NFASC: variants seen among roughly 807,000 people sequenced by gnomAD.
NFASC encodes neurofascin.
Under a neutral mutation model 147.5 loss-of-function variants are expected in NFASC, and 43 were observed. The observed-to-expected ratio is 0.29, with a 90% CI of 0.23 to 0.38. The LOEUF is 0.38. Among genes scored for constraint, NFASC ranks in the 10% least tolerant of loss-of-function variants. The pLI is 1.00. For synonymous variants in NFASC, 622 were observed against 665.5 expected (o/e 0.93, Z 1.01); for missense variants, 1,320 against 1,689.0 (o/e 0.78, Z 3.83).
chr1:204,990,560 G>GT (rs2095704601), intron 23 of NFASC: 1 of 41,732 alleles, frequency 2.4e-5, no homozygotes, highest in East Asian at 8.3e-4. Context: ...AGGGCTCTCA[G>GT]TCCAAAAAAA....
rs1255092620 is a variant in NFASC at position 204,987,675 on chromosome 1, A to G, written c.2593+135A>G. 1 of 967,432 alleles carries G rather than the reference A, an allele frequency of 1.0e-6. No individual in the cohort carries two copies. Among genetic ancestry groups the G allele is most frequent in the Non-Finnish European group, 1.6e-6 (1 of 630,872 alleles). The allele number at this position is 967,432 out of a possible 1,614,324, so 59.9% of individuals were successfully genotyped here. ...GTGGAGGGATGGAGGGGCCAACGAA[A>G]CAGTTCCCAATAGGATTAGGGGAGG... On this transcript the variant is annotated intron_variant, in intron 22 of 29. Coordinates refer to ENST00000339876, the MANE Select transcript of NFASC (RefSeq NM_001005388.3). The surrounding 1 kb of genome is among the most constrained non-coding windows in gnomAD (Gnocchi z 4.4).
At chr1:204,906,350 C>T (rs946695898) in intron 1 of NFASC, among the ~76,000 whole-genome samples, 2 of 152,120 alleles carry the variant, frequency 1.3e-5, no homozygotes, top group African/African-American at 2.4e-5. Context: ...TTCTCTTGTA[C>T]CCTTTTTTGG....
chr1:204,840,667 A>G (rs1252041686), intron 1 of NFASC, among the ~76,000 whole-genome samples: 1 of 152,198 alleles, frequency 6.6e-6, no homozygotes, highest in Non-Finnish European at 1.5e-5. Flanking sequence ...CTGTAGATCC[A>G]CCATCACCCA....
chr1:204,870,742 A>C, intron 1 of NFASC: 1 of 1,155,436 alleles, frequency 8.7e-7, no homozygotes, highest in African/African-American at 1.6e-5. Context: ...GTGGCGTTCC[A>C]TTCACGGCAC....
intron 1 of NFASC, 128 bp downstream of exon 1, chr1:204,828,910 C>A (rs1269191513): frequency 4.0e-6 from 2 of 497,664 alleles, no homozygotes; most frequent in Non-Finnish European, 2.6e-6. Flanking sequence ...CGTCCACATT[C>A]CCATCCCTTC....
intron 25 of NFASC, chr1:204,998,392 T>G (rs1292478944): frequency 6.6e-6 from 1 of 152,286 alleles, no homozygotes; most frequent in Non-Finnish European, 1.5e-5. Context: ...CTTTGTCTCC[T>G]GGGCAAGTCC....
chr1:204,973,185 G>A lies in NFASC; in HGVS notation c.1136-91G>A, dbSNP rs541937459. 3.1e-4 allele frequency: 443 copies of A among 1,430,424 alleles called. 1 individual carries two copies. The highest frequency in any genetic ancestry group is 3.6e-4 in the Non-Finnish European group (369 of 1,033,974). The allele number at this position is 1,430,424 out of a possible 1,614,324, so 88.6% of individuals were successfully genotyped here. A position where few individuals can be genotyped will look rare whatever the true frequency, so the allele number is the denominator to read the frequency against. On this transcript the variant is annotated intron_variant, in intron 11 of 29. Transcript: ENST00000339876. ...CATCTGGTGCTCCCCACAGCACCCC[G>A]CTTGTTCCTGGGAGCCCTGGCCAGA...
chr1:204,885,968 T>A (rs1471915777), intron 1 of NFASC, among the ~76,000 whole-genome samples: 2 of 152,226 alleles, frequency 1.3e-5, no homozygotes, highest in Non-Finnish European at 1.5e-5. Context: ...TCTGTCATTA[T>A]CCGAAACACG....
intron 25 of NFASC, chr1:204,999,227 C>T (rs2095918221): frequency 6.6e-6 from 1 of 152,076 alleles, no homozygotes; most frequent in African/African-American, 2.4e-5. Context: ...TGATATTTCA[C>T]ATGCTTGGTC....
intron 1 of NFASC, among the ~76,000 whole-genome samples, chr1:204,853,322 A>G (rs2102709284): frequency 6.6e-6 from 1 of 152,332 alleles, no homozygotes; most frequent in South Asian, 2.1e-4. Context: ...GATTGCTTTT[A>G]GTTCCCCATA....
In NFASC at chr1:204,975,519, G is replaced by C; in HGVS notation, c.1706+101G>C. The C allele has an allele frequency of 2.7e-6, 4 of 1,459,948 alleles. No individual in the cohort carries two copies. The East Asian group carries it at 6.9e-5, about 25-fold the overall frequency. The allele number at this position is 1,459,948 out of a possible 1,614,324, so 90.4% of individuals were successfully genotyped here. ...GGAAGAACACAGGGACAGGGAACCCGTGTCATGCATGTCACCAAGGAGCTT... is the reference window on the plus strand; with the variant it reads ...GGAAGAACACAGGGACAGGGAACCCCTGTCATGCATGTCACCAAGGAGCTT... On this transcript the variant is annotated intron_variant, in intron 15 of 29. Transcript: ENST00000339876. The surrounding 1 kb of genome is among the most constrained non-coding windows in gnomAD (Gnocchi z 4.0).
chr1:204,848,379 G>A (rs987967808), intron 1 of NFASC, among the ~76,000 whole-genome samples: 4 of 152,098 alleles, frequency 2.6e-5, no homozygotes, highest in African/African-American at 9.7e-5. Flanking sequence ...ACAGGCATGT[G>A]CCACCATGTT....
chr1:205,009,622 G>A lies in NFASC; in HGVS notation c.3355G>A (p.Ala1119Thr), dbSNP rs2096212357. The part of the protein sequence containing the change: ...GWFIGLMCAI[A>T]LLVLILLIVC... ...GTTCATTGGGCTTATGTGCGCCATC[G>A]CCCTCCTGGTGCTGATCCTGCTCAT... Residue 1119 changes from alanine to threonine, a missense_variant, in exon 28 of 30, where the codon GCC becomes ACC. Transcript: ENST00000339876. 1 of 1,614,118 alleles carries A rather than the reference G, an allele frequency of 6.2e-7. No individual in the cohort carries two copies. The highest frequency in any genetic ancestry group is 8.5e-7 in the Non-Finnish European group (1 of 1,180,014).
chr1:204,945,246 C>CCCCAGGCTAGGATG (rs2093644872), intron 3 of NFASC, among the ~76,000 whole-genome samples: 1 of 152,194 alleles, frequency 6.6e-6, no homozygotes, highest in Admixed American at 6.5e-5. Context: ...GGCAAAATGT[C>CCCCAGGCTAGGATG]TTAGCATCCC....
At chr1:204,937,486 C>T (rs61817565) in intron 2 of NFASC, among the ~76,000 whole-genome samples, 25,973 of 152,116 alleles carry the variant, frequency 0.17, 3,016 homozygotes, top group African/African-American at 0.33. Context: ...CCCCCAGCAA[C>T]CACAGATCTT....
At chr1:204,996,584 C>A (rs762644282) in intron 24 of NFASC, among the ~76,000 whole-genome samples, 21 of 152,194 alleles carry the variant, frequency 1.4e-4, no homozygotes, top group Non-Finnish European at 2.8e-4. Flanking sequence ...GGCAGAACGC[C>A]GTGCAAGGCT....
At chr1:204,933,806 A>G (rs2092583850) in intron 2 of NFASC, among the ~76,000 whole-genome samples, 1 of 151,998 alleles carries the variant, frequency 6.6e-6, no homozygotes, top group African/African-American at 2.4e-5. Flanking sequence ...ATGCATATAT[A>G]GGGAGGCTGT....
At chr1:204,869,232 T>C (rs1341605866) in intron 1 of NFASC, among the ~76,000 whole-genome samples, 1 of 152,172 alleles carries the variant, frequency 6.6e-6, no homozygotes, top group Non-Finnish European at 1.5e-5. Flanking sequence ...CATCACAACA[T>C]GAGCCTGTCC....
rs1365444085 is a variant in NFASC, at chr1:204,913,597, C to T, written c.-199-7035C>T. Among the ~76,000 whole-genome samples the T allele has an allele frequency of 2.6e-5, 4 of 152,218 alleles. No homozygotes were observed. The East Asian group carries it at 5.8e-4, about 22-fold the overall frequency. ...ATTTTTAAATAAATGAGGTTAGGAT[C>T]CTCACCATCTTATATACAGTTAGAT... On this transcript the variant is annotated intron_variant, in intron 1 of 29. Coordinates refer to ENST00000339876, the MANE Select transcript of NFASC (RefSeq NM_001005388.3).
Sources: allele counts gnomAD v4.1 joint callset (sites outside exome capture counted in the v4.1 genomes callset), GRCh38; gene constraint gnomAD v4.1.1; non-coding constraint Gnocchi (gnomAD v3.1); transcripts MANE v1.5; gene names NCBI Gene and HGNC (gene_info 2026-07-23, HGNC 2026-07-21).